The following EPM2A variants were observed in gnomAD, a reference collection of about 807,000 sequenced individuals.
EPM2A encodes laforin.
In EPM2A, 21 loss-of-function variants were observed where a neutral mutation model predicts 26.5. The ratio of observed to expected loss-of-function variants is 0.79; its 90% CI spans 0.56 to 1.14. The LOEUF is 1.14. Ranked by LOEUF, EPM2A falls within the 50% of genes most tolerant of loss-of-function variation. The pLI is 0.00. For missense variants in EPM2A, 458 were observed against 440.8 expected, an observed-to-expected ratio of 1.04 and a Z score of -0.35; for synonymous variants, 217 against 177.6, an observed-to-expected ratio of 1.22 and a Z score of -1.76.
chr6:145,598,353 T>C (rs944375142), intron 2 of EPM2A, among the ~76,000 whole-genome samples: 1 of 152,208 alleles, frequency 6.6e-6, no homozygotes, highest in African/African-American at 2.4e-5. Context: ...CATATGTTTG[T>C]TGGCCCTATG....
chr6:145,491,334 C>T lies in EPM2A; in HGVS notation c.555+11188G>A, dbSNP rs750737248. 3.0e-4 allele frequency among the ~76,000 whole-genome samples: 46 copies of T among 152,062 alleles called. 3 individuals are homozygous for T. The highest frequency in any genetic ancestry group is 2.9e-5 in the Non-Finnish European group (2 of 68,020). ...CCACAGGAGGGAGCATGCAGGTGAG[C>T]GGGCGCAGGAGTCAGGGCAAGTGCT... On this transcript the variant is annotated intron_variant, in intron 4 of 4. Transcript: ENST00000638717.
chr6:145,443,307 A>T (rs908341288), intron 4 of EPM2A, among the ~76,000 whole-genome samples: 2 of 152,220 alleles, frequency 1.3e-5, no homozygotes, highest in Non-Finnish European at 2.9e-5. Context: ...TTGAATCCAG[A>T]AATTGCTTTG....
intron 4 of EPM2A, among the ~76,000 whole-genome samples, chr6:145,432,519 A>G (rs929201327): frequency 6.6e-6 from 1 of 150,854 alleles, no homozygotes; most frequent in African/African-American, 2.4e-5. Flanking sequence ...TTTTCTGAAC[A>G]GTAGTCTCAG....
chr6:145,733,166 G>C (rs1312111498), intron 1 of EPM2A, among the ~76,000 whole-genome samples: 1 of 152,154 alleles, frequency 6.6e-6, no homozygotes, highest in African/African-American at 2.4e-5. Flanking sequence ...GAGACAGGAA[G>C]AAATTGTAAT....
At position 145,442,312 on chromosome 6, in the gene EPM2A, T is replaced by C. The variant is rs114826307; in HGVS notation, c.556-58215A>G. ...GCAGAACCCCACTCCCGGTACCAAT[T>C]TATTGTATTAGTCCATTTTCACACC... On this transcript the variant is annotated intron_variant, in intron 4 of 4. Transcript: ENST00000638717. Among the ~76,000 whole-genome samples the C allele has an allele frequency of 6.4e-3, 978 of 152,218 alleles. 13 individuals carry two copies. Among genetic ancestry groups the C allele is most frequent in the African/African-American group, 0.023 (937 of 41,530 alleles).
intron 4 of EPM2A, among the ~76,000 whole-genome samples, chr6:145,445,612 G>T (rs1330792230): frequency 1.3e-5 from 2 of 152,144 alleles, no homozygotes; most frequent in Non-Finnish European, 2.9e-5. Flanking sequence ...CCTCAGGGCT[G>T]CTAGCCTTTG....
At chr6:145,554,525 T>C (rs114017564) in intron 2 of EPM2A, among the ~76,000 whole-genome samples, 3,088 of 152,162 alleles carry the variant, frequency 0.02, 35 homozygotes, top group Admixed American at 0.024. Flanking sequence ...CTAGTTCATG[T>C]TCTGTTGCTA....
chr6:145,475,487 T>C (rs1360515519), intron 4 of EPM2A, among the ~76,000 whole-genome samples: 2 of 151,882 alleles, frequency 1.3e-5, no homozygotes, highest in African/African-American at 4.8e-5. Flanking sequence ...AGGGGAGGGA[T>C]AGCATTAGGA....
chr6:145,490,408 C>A (rs1779739081), intron 4 of EPM2A: 1 of 795,896 alleles, frequency 1.3e-6, no homozygotes, highest in Middle Eastern at 2.3e-4. Context: ...TTTGAGGGTG[C>A]TATTTCTAGC....
chr6:145,659,915 C>G (rs1439189223), intron 2 of EPM2A, among the ~76,000 whole-genome samples: 1 of 151,860 alleles, frequency 6.6e-6, no homozygotes, highest in Non-Finnish European at 1.5e-5. Flanking sequence ...CTTCATTTTG[C>G]TTTTTTTTAA....
At chr6:145,711,013 C>G (rs995111686) in intron 1 of EPM2A, among the ~76,000 whole-genome samples, 2 of 151,038 alleles carry the variant, frequency 1.3e-5, no homozygotes, top group Non-Finnish European at 3.0e-5. Flanking sequence ...GGAGATATAC[C>G]TAATGTTAAA....
intron 4 of EPM2A, among the ~76,000 whole-genome samples, chr6:145,456,891 T>G (rs1158573241): frequency 6.6e-6 from 1 of 152,202 alleles, no homozygotes; most frequent in African/African-American, 2.4e-5. Flanking sequence ...GTATATATTT[T>G]AGATATTTCT....
chr6:145,481,709 CTTG>C (rs1172538025), intron 4 of EPM2A, among the ~76,000 whole-genome samples: 1 of 152,010 alleles, frequency 6.6e-6, no homozygotes, highest in Non-Finnish European at 1.5e-5. Flanking sequence ...GATATAAGTA[CTTG>C]TTGTTATTTT....
At chr6:145,494,305 T>C (rs1363698410) in intron 4 of EPM2A, among the ~76,000 whole-genome samples, 1 of 152,206 alleles carries the variant, frequency 6.6e-6, no homozygotes, top group African/African-American at 2.4e-5. Context: ...TGTTTGTTGG[T>C]ATTTCTGTGG....
rs569347579 is a variant in EPM2A, at chr6:145,465,089, C to A, written c.555+37433G>T. ...GAGTGTTTTCCAACTTGGTTCCATT[C>A]TCCCCGTCACTTTCAGGTACACCAA... On this transcript the variant is annotated intron_variant, in intron 4 of 4. Coordinates refer to the EPM2A transcript ENST00000638717. Among the ~76,000 whole-genome samples, 401 of 152,122 alleles carry A rather than the reference C, an allele frequency of 2.6e-3. 2 individuals are homozygous for A. The highest frequency in any genetic ancestry group is 0.014 in the Middle Eastern group (4 of 294).
intron 1 of EPM2A, among the ~76,000 whole-genome samples, chr6:145,698,692 T>A (rs1210355103): frequency 1.3e-5 from 2 of 152,112 alleles, no homozygotes; most frequent in African/African-American, 4.8e-5. Context: ...ATCCCATTGT[T>A]ATGGACTGTA....
At chr6:145,602,294 T>C (rs1781426364) in intron 2 of EPM2A, among the ~76,000 whole-genome samples, 1 of 152,204 alleles carries the variant, frequency 6.6e-6, no homozygotes, top group Non-Finnish European at 1.5e-5. Flanking sequence ...ACAAGAAAAA[T>C]ATATTTGTTG....
At chr6:145,726,371 T>G (rs765705303) in intron 1 of EPM2A, among the ~76,000 whole-genome samples, 1 of 152,132 alleles carries the variant, frequency 6.6e-6, no homozygotes, top group East Asian at 1.9e-4. Context: ...TCCATATAAA[T>G]ACATTCCAGA....
chr6:145,584,804 T>A (rs1396937128), intron 2 of EPM2A, among the ~76,000 whole-genome samples: 1 of 152,160 alleles, frequency 6.6e-6, no homozygotes, highest in African/African-American at 2.4e-5. Context: ...CCTCCCTGCA[T>A]CCATTCTCAA....
Sources: allele counts gnomAD v4.1 joint callset (sites outside exome capture counted in the v4.1 genomes callset), GRCh38; gene constraint gnomAD v4.1.1; transcripts MANE v1.5; gene names NCBI Gene and HGNC (gene_info 2026-07-23, HGNC 2026-07-21).